The following OSBPL9 variants were observed in gnomAD, a reference collection of about 807,000 sequenced individuals.
OSBPL9 encodes the protein oxysterol-binding protein-related protein 9.
OSBPL9 carries 40 observed loss-of-function variants against 106.6 expected under a neutral mutation model. That is an observed-to-expected ratio of 0.38 (90% CI 0.29 to 0.49). OSBPL9 has a LOEUF of 0.49. OSBPL9 is among the 20% of genes least tolerant of loss of function. OSBPL9 has a pLI of 0.97. For synonymous variants in OSBPL9, 269 were observed against 295.4 expected (o/e 0.91, Z 0.92); for missense variants, 609 against 887.2 (o/e 0.69, Z 3.98).
chr1:51,550,679 A>G, the OSBPL9 span, among the ~76,000 whole-genome samples: 2 of 151,926 alleles, frequency 1.3e-5, no homozygotes, highest in Non-Finnish European at 2.9e-5. Context: ...AGCCCAGCTA[A>G]TTTTTTGTAT....
rs115582541 is a variant in OSBPL9 at position 51,717,900 on chromosome 1, A to G, written c.318+3821A>G. ...AAGGCAATCAATATACGGAAGAGAT[A>G]CCTGCACACCCAGGTTTATTGCAGC... On this transcript the variant is annotated intron_variant, in intron 4 of 23. Coordinates refer to ENST00000428468, the MANE Select transcript of OSBPL9 (RefSeq NM_024586.6). Among the ~76,000 whole-genome samples the G allele has an allele frequency of 5.7e-3, 871 of 152,328 alleles. 2 individuals are homozygous for G. Among genetic ancestry groups the G allele is most frequent in the African/African-American group, 0.02 (826 of 41,560 alleles).
intron 2 of OSBPL9, among the ~76,000 whole-genome samples, chr1:51,598,462 G>A (rs1570537874): frequency 6.6e-6 from 1 of 152,244 alleles, no homozygotes; most frequent in East Asian, 1.9e-4. Flanking sequence ...TGGTAGTGGG[G>A]TGGGGGTAGA....
In OSBPL9 at chr1:51,632,630, T is replaced by C. The variant is rs180706171; in HGVS notation, c.111+15409T>C. On this transcript the variant is annotated intron_variant, in intron 1 of 23. Transcript: ENST00000428468. ...ATAATGCTAGGTTAAGCAAAGACTC[T>C]TCCTCTTACCTCAATGGAAAGCCTG... Among the ~76,000 whole-genome samples the C allele has an allele frequency of 2.4e-3, 369 of 152,338 alleles. 1 individual carries two copies. Among genetic ancestry groups the C allele is most frequent in the South Asian group, 5.4e-3 (26 of 4,824 alleles).
intron 1 of OSBPL9, among the ~76,000 whole-genome samples, chr1:51,596,948 A>T (rs1383348635): frequency 6.6e-6 from 1 of 152,144 alleles, no homozygotes; most frequent in African/African-American, 2.4e-5. Context: ...CAATAAAACA[A>T]GGCAATGACT....
At chr1:51,524,074 C>G in the OSBPL9 span, among the ~76,000 whole-genome samples, 1 of 152,192 alleles carries the variant, frequency 6.6e-6, no homozygotes, top group African/African-American at 2.4e-5. Flanking sequence ...ATCTGAAGCT[C>G]GTGCTTCTAA....
intron 1 of OSBPL9, among the ~76,000 whole-genome samples, chr1:51,622,421 G>A (rs947210380): frequency 2.6e-5 from 4 of 152,208 alleles, no homozygotes; most frequent in Admixed American, 6.5e-5. Flanking sequence ...TATCTATTGC[G>A]TTATGACAGA....
At chr1:51,589,509 G>A (rs924317757) in intron 1 of OSBPL9, among the ~76,000 whole-genome samples, 31 of 152,100 alleles carry the variant, frequency 2.0e-4, no homozygotes, top group South Asian at 4.2e-4. Context: ...GAGTATAACC[G>A]TATACAGGGG....
chr1:51,542,303 T>C, the OSBPL9 span, among the ~76,000 whole-genome samples: 8,996 of 152,332 alleles, frequency 0.059, 388 homozygotes, highest in Non-Finnish European at 0.093. Context: ...GCTGGGAAGA[T>C]AGAGTGCTAT....
chr1:51,670,812 A>G (rs537447858), intron 3 of OSBPL9, among the ~76,000 whole-genome samples: 7 of 152,230 alleles, frequency 4.6e-5, no homozygotes, highest in Non-Finnish European at 8.8e-5. Flanking sequence ...AATGCTGCCT[A>G]TAAATCAGCA....
intron 20 of OSBPL9, chr1:51,784,965 C>A: frequency 4.8e-6 from 1 of 209,012 alleles, no homozygotes. Flanking sequence ...TCACAGCTAT[C>A]CCTTTTTCTG....
the OSBPL9 span, among the ~76,000 whole-genome samples, chr1:51,560,362 G>T: frequency 1.3e-5 from 2 of 152,174 alleles, no homozygotes; most frequent in African/African-American, 2.4e-5. Flanking sequence ...ATGTCGCTTG[G>T]TGTTTCTGAG....
chr1:51,747,029 G>A (rs1472273769), intron 6 of OSBPL9, among the ~76,000 whole-genome samples: 5 of 152,134 alleles, frequency 3.3e-5, no homozygotes, highest in African/African-American at 7.2e-5. Context: ...GAGTGCATTG[G>A]CACGATCTCA....
rs1677732573 is a variant in OSBPL9 at position 51,786,731 on chromosome 1, G to C, written c.2000+114G>C. The C allele has an allele frequency of 4.0e-6, 3 of 756,252 alleles. No homozygotes were observed. In the Admixed American group the frequency reaches 8.5e-5, roughly 21 times the overall value. 46.8% of individuals were successfully genotyped at this position (756,252 alleles called of 1,614,324 possible). ...GGCAGAGCATAATAGTATAGACCAAGTTTGAATTCCTGGGTTCGTATGTCA... is the reference window on the plus strand; with the variant it reads ...GGCAGAGCATAATAGTATAGACCAACTTTGAATTCCTGGGTTCGTATGTCA... On this transcript the variant is annotated intron_variant, in intron 22 of 23. Transcript: ENST00000428468.
At chr1:51,624,045 G>GT (rs1215910069) in intron 1 of OSBPL9, among the ~76,000 whole-genome samples, 1 of 151,802 alleles carries the variant, frequency 6.6e-6, no homozygotes, top group East Asian at 1.9e-4. Context: ...AGCCACCCGA[G>GT]TAGCTGGGAT....
intron 1 of OSBPL9, among the ~76,000 whole-genome samples, chr1:51,622,428 C>T (rs1044224280): frequency 2.0e-5 from 3 of 152,192 alleles, no homozygotes; most frequent in Non-Finnish European, 4.4e-5. Context: ...TGCGTTATGA[C>T]AGATTACTCC....
the OSBPL9 span, among the ~76,000 whole-genome samples, chr1:51,558,298 T>G: frequency 6.7e-6 from 1 of 148,994 alleles, no homozygotes; most frequent in Non-Finnish European, 1.5e-5. Flanking sequence ...AAAAAAAAGA[T>G]AATAACAGCC....
intron 3 of OSBPL9, among the ~76,000 whole-genome samples, chr1:51,701,642 G>A (rs60523162): frequency 7.1e-6 from 1 of 140,130 alleles, no homozygotes; most frequent in African/African-American, 3.0e-5. Context: ...CAAAATACTG[G>A]TTTTTTTTGT....
intron 3 of OSBPL9, among the ~76,000 whole-genome samples, chr1:51,699,893 TC>T (rs1283491193): frequency 5.9e-5 from 9 of 152,220 alleles, no homozygotes; most frequent in Admixed American, 5.2e-4. Context: ...CATATTTATT[TC>T]CATATGTATT....
At chr1:51,768,406 G>T (rs1571664917) in intron 12 of OSBPL9, among the ~76,000 whole-genome samples, 1 of 151,874 alleles carries the variant, frequency 6.6e-6, no homozygotes, top group East Asian at 1.9e-4. Flanking sequence ...TAGAGGAGGG[G>T]TTTTGCCATG....
Sources: allele counts gnomAD v4.1 joint callset (sites outside exome capture counted in the v4.1 genomes callset), GRCh38; gene constraint gnomAD v4.1.1; transcripts MANE v1.5; gene names NCBI Gene and HGNC (gene_info 2026-07-23, HGNC 2026-07-21).